CRLS1: variants seen among roughly 807,000 people sequenced by gnomAD.
The protein encoded by CRLS1 is cardiolipin synthase (CMP-forming).
A neutral mutation model predicts 37.0 loss-of-function variants in CRLS1; 24 were observed. The ratio of observed to expected loss-of-function variants is 0.65; its 90% CI spans 0.47 to 0.91. The LOEUF (loss-of-function observed/expected upper bound fraction) is 0.91. Among genes scored for constraint, CRLS1 ranks in the 40% least tolerant of loss-of-function variants. CRLS1 has a pLI of 0.00. For synonymous variants in CRLS1, 135 were observed against 159.7 expected (o/e 0.85, Z 1.17); for missense variants, 373 against 395.8 (o/e 0.94, Z 0.49).
chr20:6,007,314 A>G (rs2090071590), intron 1 of CRLS1: 1 of 1,591,186 alleles, frequency 6.3e-7, no homozygotes, highest in Non-Finnish European at 8.6e-7. Flanking sequence ...ACTGATAGCT[A>G]AAGCATGTTG....
intron 2 of CRLS1, among the ~76,000 whole-genome samples, chr20:6,015,074 A>T (rs574023903): frequency 3.9e-4 from 59 of 152,260 alleles, no homozygotes; most frequent in Non-Finnish European, 7.8e-4. Context: ...CTAAATGTGT[A>T]TTTGGGTTCA....
At chr20:6,029,356 CTCT>C (rs1429732992) in intron 3 of CRLS1, among the ~76,000 whole-genome samples, 9 of 126,398 alleles carry the variant, frequency 7.1e-5, no homozygotes, top group Non-Finnish European at 1.4e-4. Context: ...GGATTTGCTG[CTCT>C]TTTTTTTTTT....
intron 3 of CRLS1, among the ~76,000 whole-genome samples, chr20:6,029,970 A>G (rs1444016896): frequency 6.6e-6 from 1 of 152,228 alleles, no homozygotes; most frequent in African/African-American, 2.4e-5. Flanking sequence ...TTGAATGTCA[A>G]AACTGGAGAG....
At chr20:6,031,942 G>A in intron 4 of CRLS1, 70 bp from the exon 5 acceptor site, 1 of 1,146,538 alleles carries the variant, frequency 8.7e-7, no homozygotes, top group Non-Finnish European at 1.3e-6. Flanking sequence ...ATAACAAAAT[G>A]TCTATTTTAA....
At chr20:6,024,512 C>G (rs1979524521) in intron 3 of CRLS1, among the ~76,000 whole-genome samples, 1 of 152,194 alleles carries the variant, frequency 6.6e-6, no homozygotes, top group South Asian at 2.1e-4. Context: ...CTCTCCCTCT[C>G]CTCAGGCCTC....
chr20:6,015,243 C>T, intron 2 of CRLS1, 118 bp from the exon 3 acceptor site: 1 of 565,938 alleles, frequency 1.8e-6, no homozygotes. Flanking sequence ...AAACAGAAGA[C>T]ATTTTGTTAA....
chr20:6,029,812 G>C (rs564258473), intron 3 of CRLS1, among the ~76,000 whole-genome samples: 1 of 152,180 alleles, frequency 6.6e-6, no homozygotes, highest in Non-Finnish European at 1.5e-5. Context: ...TCCAAATGCC[G>C]TGACTTGAGT....
chr20:6,036,678 C>G (rs1980572292), intron 6 of CRLS1, among the ~76,000 whole-genome samples: 1 of 152,146 alleles, frequency 6.6e-6, no homozygotes, highest in Admixed American at 6.5e-5. Flanking sequence ...TCCATTTCCC[C>G]CTTCTGGAGA....
chr20:6,027,081 A>C (rs1979765839), intron 3 of CRLS1, among the ~76,000 whole-genome samples: 1 of 115,420 alleles, frequency 8.7e-6, no homozygotes, highest in African/African-American at 4.0e-5. Context: ...CTGGAAATTG[A>C]ATTTTTTTTT....
intron 6 of CRLS1, among the ~76,000 whole-genome samples, chr20:6,036,338 A>G (rs1980547797): frequency 6.6e-6 from 1 of 152,222 alleles, no homozygotes. Context: ...TCAAGATCCA[A>G]CAAAAGGGAA....
intron 2 of CRLS1, among the ~76,000 whole-genome samples, chr20:6,011,606 TGGG>T (rs1391600324): frequency 4.0e-5 from 5 of 124,340 alleles, no homozygotes; most frequent in Non-Finnish European, 8.1e-5. Context: ...TTTTTTTTTT[TGGG>T]GAGACTGACT....
Position 6,037,121 on chromosome 20 carries a change from A to T in CRLS1, c.869A>T (p.His290Leu), listed in dbSNP as rs372843737. 72 of 1,613,618 alleles carry T rather than the reference A, an allele frequency of 4.5e-5. No homozygotes were observed. Among genetic ancestry groups the T allele is most frequent in the Non-Finnish European group, 2.5e-5 (29 of 1,179,868 alleles). ...TTAASAYSYY[H>L]YGRKTVQVIK... ...GCTGCATCAGCTTATAGTTACTATC[A>T]TTATGGCCGGAAGACTGTTCAGGTG... Residue 290 changes from histidine to leucine, a missense_variant, in exon 7 of 7, where the codon CAT (histidine) becomes CTT (leucine). Transcript: ENST00000378863.
chr20:6,018,309 G>A (rs1287855629), intron 3 of CRLS1, among the ~76,000 whole-genome samples: 2 of 151,308 alleles, frequency 1.3e-5, no homozygotes, highest in Non-Finnish European at 2.9e-5. Flanking sequence ...TATGTCTAGC[G>A]AAACTTGCTA....
chr20:6,015,605 T>C, intron 3 of CRLS1, 115 bp downstream of exon 3: 2 of 1,027,698 alleles, frequency 1.9e-6, no homozygotes, highest in African/African-American at 1.6e-5. Context: ...TTTTCAACTT[T>C]AAACTGTTTC....
rs1323808023 is a variant in CRLS1, at chr20:6,039,525, A to G, written c.*2367A>G. ...GTTTCTGCAGCATGGTTTGGAAACA[A>G]AAGATACATAGGATTTAAACTCGAT... On this transcript the variant is annotated 3_prime_UTR_variant, in exon 7 of 7. Transcript: ENST00000378863. 2 of 152,300 alleles carry G rather than the reference A, an allele frequency of 1.3e-5. No homozygotes were observed. The highest frequency in any genetic ancestry group is 1.9e-4 in the East Asian group (1 of 5,190). The allele number at this position is 152,300 out of a possible 1,614,324, so 9.4% of individuals were successfully genotyped here. A position where few individuals can be genotyped will look rare whatever the true frequency, so the allele number is the denominator to read the frequency against.
chr20:6,017,144 G>C (rs988323693), intron 3 of CRLS1, among the ~76,000 whole-genome samples: 1 of 151,902 alleles, frequency 6.6e-6, no homozygotes, highest in Non-Finnish European at 1.5e-5. Context: ...GCATCACCAC[G>C]CCTGGCTAAT....
At chr20:6,036,661 C>G (rs1053194775) in intron 6 of CRLS1, among the ~76,000 whole-genome samples, 1 of 152,144 alleles carries the variant, frequency 6.6e-6, no homozygotes, top group Non-Finnish European at 1.5e-5. Flanking sequence ...GCAAGTTACC[C>G]GGGTCTTCCA....
At chr20:6,031,446 G>A (rs1353607796) in intron 4 of CRLS1, 76 bp downstream of exon 4, 31 of 1,122,282 alleles carry the variant, frequency 2.8e-5, no homozygotes, top group East Asian at 7.3e-5. Flanking sequence ...ATATTTTTGC[G>A]TCAACATCTT....
At chr20:6,018,323 T>C (rs6107739) in intron 3 of CRLS1, among the ~76,000 whole-genome samples, 110,992 of 151,902 alleles carry the variant, frequency 0.73, 41,419 homozygotes, top group African/African-American at 0.88. Flanking sequence ...CTTGCTAACT[T>C]GTATTCTAAC....
Sources: allele counts gnomAD v4.1 joint callset (sites outside exome capture counted in the v4.1 genomes callset), GRCh38; gene constraint gnomAD v4.1.1; transcripts MANE v1.5; gene names NCBI Gene and HGNC (gene_info 2026-07-23, HGNC 2026-07-21).